SHROOM4: variants seen among roughly 807,000 people sequenced by gnomAD.
SHROOM4 encodes the protein shroom family member 4, also known as protein Shroom4.
SHROOM4 carries 17 observed loss-of-function variants against 80.3 expected under a neutral mutation model. The observed-to-expected ratio is 0.21, with a 90% CI of 0.14 to 0.32. The LOEUF (loss-of-function observed/expected upper bound fraction) is 0.32. SHROOM4 is among the 10% of genes least tolerant of loss of function. The probability of loss-of-function intolerance (pLI) is 1.00; values close to 1 mark genes in which losing one functional copy is unlikely to be tolerated. For synonymous variants in SHROOM4, 400 were observed against 437.5 expected, an observed-to-expected ratio of 0.91 and a Z score of 1.07; for missense variants, 993 against 1,140.3, an observed-to-expected ratio of 0.87 and a Z score of 1.86.
chrX:50,653,394 G>C (rs1324547558), intron 2 of SHROOM4, among the ~76,000 whole-genome samples: 2 of 111,782 alleles, frequency 1.8e-5, no homozygotes, highest in Non-Finnish European at 3.8e-5. Context: ...AGGAATGCTT[G>C]TGAATTTTGC....
At chrX:50,664,002 GAATT>G (rs1338447070) in intron 2 of SHROOM4, among the ~76,000 whole-genome samples, 1 of 112,055 alleles carries the variant, frequency 8.9e-6, no homozygotes, top group Non-Finnish European at 1.9e-5. Flanking sequence ...GATCATTGGT[GAATT>G]AATTTTGGAA....
rs1441341663 is a variant in SHROOM4, at chrX:50,633,307, G to A, written c.2766C>T (p.Tyr922=). ...ATTGGTGGTGGTGGCACCGGCAGTT[G>A]TAGCAATTTGGCATCATATTTCTCT... ...LLKRNMMPNC[Y]NCRCHHHQCI... The change falls in exon 4 of 9, where the codon TAC becomes TAT. Residue 922 remains tyrosine, a synonymous_variant. Coordinates refer to ENST00000376020, the MANE Select transcript of SHROOM4 (RefSeq NM_020717.5). 1.7e-6 allele frequency: 2 copies of A among 1,209,256 alleles called. No individual in the cohort carries two copies. Among genetic ancestry groups the A allele is most frequent in the African/African-American group, 3.5e-5 (2 of 56,979 alleles).
chrX:50,715,341 G>A (rs1371878634), intron 1 of SHROOM4, among the ~76,000 whole-genome samples: 3 of 111,261 alleles, frequency 2.7e-5, no homozygotes, highest in Non-Finnish European at 3.8e-5. Flanking sequence ...TCATACCTGT[G>A]TCCCCAGCAC....
At chrX:50,754,085 G>A (rs988424057) in intron 1 of SHROOM4, among the ~76,000 whole-genome samples, 1 of 112,257 alleles carries the variant, frequency 8.9e-6, no homozygotes, top group Non-Finnish European at 1.9e-5. Flanking sequence ...CAAAGATAGT[G>A]AAAAGCGCTT....
intron 2 of SHROOM4, among the ~76,000 whole-genome samples, chrX:50,677,252 T>C: frequency 9.0e-6 from 1 of 111,706 alleles, no homozygotes; most frequent in Non-Finnish European, 1.9e-5. Context: ...ATTTTCATTT[T>C]ATTTGAATTT....
Position 50,618,461 on chromosome X carries a change from C to G in SHROOM4, c.2957+9153G>C, listed in dbSNP as rs1017951726. ...ACAGTGTCTTGCCCAGTCTAGAGTG[C>G]AGTGGCGCAATCTTGGCCGACTGCA... On this transcript the variant is annotated intron_variant, in intron 5 of 8. Transcript: ENST00000376020. 2.9e-5 allele frequency among the ~76,000 whole-genome samples: 3 copies of G among 104,936 alleles called. No homozygotes were observed. In the Admixed American group the frequency reaches 3.2e-4, roughly 11 times the overall value. The allele number at this position is 104,936 out of a possible 115,157, so 91.1% of individuals were successfully genotyped here.
At position 50,596,970 on chromosome X, in the gene SHROOM4, G is replaced by A. The variant is rs1316476171; in HGVS notation, c.4213-6C>T. Reference sequence around the variant, plus strand: ...TTCTTCTCTATCAGTACCAACTGGGGAAGCAGAGGACCAAGTAAGGGCTCT... The same window carrying A: ...TTCTTCTCTATCAGTACCAACTGGGAAAGCAGAGGACCAAGTAAGGGCTCT... On this transcript the variant is annotated splice_polypyrimidine_tract_variant and splice_region_variant and intron_variant, in intron 8 of 8. Coordinates refer to ENST00000376020, the MANE Select transcript of SHROOM4 (RefSeq NM_020717.5). 2 of 1,206,411 alleles carry A rather than the reference G, an allele frequency of 1.7e-6. No homozygotes were observed. The highest frequency in any genetic ancestry group is 2.2e-6 in the Non-Finnish European group (2 of 893,956).
intron 1 of SHROOM4, among the ~76,000 whole-genome samples, chrX:50,739,072 A>C (rs782324238): frequency 3.6e-5 from 4 of 111,798 alleles, no homozygotes; most frequent in Admixed American, 2.8e-4. Flanking sequence ...CAAAAACAAG[A>C]AATGGGGAAA....
intron 2 of SHROOM4, among the ~76,000 whole-genome samples, chrX:50,680,327 A>T (rs111835984): frequency 0.039 from 4,395 of 111,887 alleles, 226 homozygotes; most frequent in African/African-American, 0.14. Flanking sequence ...TCCTGCCAAA[A>T]TTAGAGGCTG....
intron 1 of SHROOM4, among the ~76,000 whole-genome samples, chrX:50,770,294 C>T (rs1003370655): frequency 5.4e-5 from 6 of 111,899 alleles, no homozygotes; most frequent in African/African-American, 2.0e-4. Context: ...CATGTAAACA[C>T]ATGAAAAGGT....
chrX:50,730,118 C>G (rs1389440857), intron 1 of SHROOM4, among the ~76,000 whole-genome samples: 11 of 112,035 alleles, frequency 9.8e-5, no homozygotes, highest in Non-Finnish European at 1.7e-4. Context: ...TACCTTTTAT[C>G]TCTTAACTGA....
chrX:50,798,724 G>A (rs1936062723), intron 1 of SHROOM4, among the ~76,000 whole-genome samples: 1 of 111,509 alleles, frequency 9.0e-6, no homozygotes, highest in Admixed American at 9.6e-5. Context: ...GAGAAGATTA[G>A]AGAGTATGCA....
chrX:50,636,526 CG>C (rs1413157344), intron 3 of SHROOM4, among the ~76,000 whole-genome samples: 5 of 110,473 alleles, frequency 4.5e-5, no homozygotes, highest in African/African-American at 1.3e-4. Context: ...TTTTAGATTC[CG>C]GGGGTACACG....
chrX:50,624,567 C>T (rs1408394479), intron 5 of SHROOM4, among the ~76,000 whole-genome samples: 1 of 110,397 alleles, frequency 9.1e-6, no homozygotes, highest in African/African-American at 3.3e-5. Context: ...ATGCCAATAA[C>T]ATTCTCCAAG....
chrX:50,688,228 T>C (rs781801604), intron 2 of SHROOM4, among the ~76,000 whole-genome samples: 7 of 110,117 alleles, frequency 6.4e-5, no homozygotes, highest in African/African-American at 2.4e-4. Flanking sequence ...CCACCAACCA[T>C]TTAAAATATA....
At chrX:50,656,785 G>A (rs1932323850) in intron 2 of SHROOM4, among the ~76,000 whole-genome samples, 1 of 109,999 alleles carries the variant, frequency 9.1e-6, no homozygotes, top group Non-Finnish European at 1.9e-5. Context: ...GTGAAAAAAT[G>A]TAGTTGGAAT....
intron 1 of SHROOM4, among the ~76,000 whole-genome samples, chrX:50,762,787 A>C (rs1313891365): frequency 9.0e-6 from 1 of 111,550 alleles, no homozygotes; most frequent in Non-Finnish European, 1.9e-5. Flanking sequence ...TCACTTGTAC[A>C]TTATGAGTCA....
At chrX:50,707,520 T>C (rs1933706920) in intron 1 of SHROOM4, among the ~76,000 whole-genome samples, 1 of 111,707 alleles carries the variant, frequency 9.0e-6, no homozygotes, top group South Asian at 3.8e-4. Flanking sequence ...TACCTGTGGC[T>C]GCTGTGAGTT....
chrX:50,623,218 C>T (rs868952248), intron 5 of SHROOM4, among the ~76,000 whole-genome samples: 16 of 111,069 alleles, frequency 1.4e-4, no homozygotes, highest in Non-Finnish European at 2.3e-4. Context: ...GACAGAGTCT[C>T]GTTCTGTTGC....
Sources: gnomAD v4.1 joint callset for allele counts (sites outside exome capture counted in the v4.1 genomes callset) on GRCh38, gnomAD v4.1.1 for gene constraint, MANE v1.5 for transcripts, NCBI Gene and HGNC (gene_info 2026-07-23, HGNC 2026-07-21) for gene names.